The following MACROD2 variants were observed in gnomAD, a reference collection of about 807,000 sequenced individuals.
MACROD2 encodes the protein mono-ADP ribosylhydrolase 2.
Under a neutral mutation model 70.4 loss-of-function variants are expected in MACROD2, and 36 were observed. The observed-to-expected ratio is 0.51, with a 90% CI of 0.39 to 0.68. The LOEUF (loss-of-function observed/expected upper bound fraction) is 0.68, where lower values mean the gene tolerates loss of function less well. Among genes scored for constraint, MACROD2 ranks in the 30% least tolerant of loss-of-function variants. The pLI is 0.00. For missense variants in MACROD2, 496 were observed against 538.4 expected, an observed-to-expected ratio of 0.92 and a Z score of 0.78; for synonymous variants, 172 against 178.8, an observed-to-expected ratio of 0.96 and a Z score of 0.30.
intron 8 of MACROD2, among the ~76,000 whole-genome samples, chr20:15,512,790 A>G (rs1200744701): frequency 6.6e-6 from 1 of 152,150 alleles, no homozygotes; most frequent in Non-Finnish European, 1.5e-5. Context: ...TTAAGGAATT[A>G]GGAAATGAAA....
chr20:15,727,083 T>C lies in MACROD2; in HGVS notation c.646-135662T>C, dbSNP rs1032105978. Among the ~76,000 whole-genome samples the C allele has an allele frequency of 4.6e-5, 7 of 152,150 alleles. No individual in the cohort carries two copies. In the South Asian group the frequency reaches 1.2e-3, roughly 27 times the overall value. On this transcript the variant is annotated intron_variant, in intron 8 of 17. Coordinates refer to ENST00000684519, the MANE Select transcript of MACROD2 (RefSeq NM_001351661.2). ...TTAGGATTTAAGTCTTAATCCATAA[T>C]CCATATTTAAGTCTTTAATCTTGAG...
At chr20:15,892,736 T>C (rs2064908561) in intron 10 of MACROD2, among the ~76,000 whole-genome samples, 1 of 152,256 alleles carries the variant, frequency 6.6e-6, no homozygotes, top group Non-Finnish European at 1.5e-5. Context: ...AGCCTTAAGT[T>C]TAAGTCTATG....
chr20:14,436,603 G>A (rs1463411457), intron 3 of MACROD2, among the ~76,000 whole-genome samples: 1 of 152,148 alleles, frequency 6.6e-6, no homozygotes, highest in East Asian at 1.9e-4. Context: ...TATCATTTCA[G>A]TTTTTGTTTT....
intron 10 of MACROD2, among the ~76,000 whole-genome samples, chr20:15,924,438 C>T (rs1204873293): frequency 3.3e-5 from 5 of 152,202 alleles, no homozygotes; most frequent in Admixed American, 2.6e-4. Flanking sequence ...AGAACTGAAG[C>T]AGTTACTCCT....
chr20:15,190,111 T>A (rs2076560520), intron 5 of MACROD2, among the ~76,000 whole-genome samples: 1 of 152,240 alleles, frequency 6.6e-6, no homozygotes, highest in Non-Finnish European at 1.5e-5. Flanking sequence ...ATAACTATAA[T>A]GTACTCTCAG....
intron 8 of MACROD2, among the ~76,000 whole-genome samples, chr20:15,800,682 GA>G (rs1237269095): frequency 6.6e-6 from 1 of 152,148 alleles, no homozygotes; most frequent in South Asian, 2.1e-4. Context: ...CCCCGTCTGG[GA>G]GGTGTACTCA....
At chr20:15,988,586 A>T (rs2066517719) in intron 15 of MACROD2, among the ~76,000 whole-genome samples, 2 of 152,168 alleles carry the variant, frequency 1.3e-5, no homozygotes, top group Non-Finnish European at 2.9e-5. Context: ...TACTCTGATG[A>T]CTGAAGAATT....
intron 5 of MACROD2, among the ~76,000 whole-genome samples, chr20:15,068,498 G>A (rs1383005178): frequency 6.6e-6 from 1 of 152,132 alleles, no homozygotes; most frequent in African/African-American, 2.4e-5. Context: ...GGAGGTGTTT[G>A]GGTCATGGGA....
At chr20:14,395,869 G>T (rs2122818411) in intron 3 of MACROD2, among the ~76,000 whole-genome samples, 1 of 152,174 alleles carries the variant, frequency 6.6e-6, no homozygotes, top group East Asian at 1.9e-4. Context: ...GTGTAATTTA[G>T]TTTCCAAATA....
At chr20:14,566,220 G>T (rs570815276) in intron 4 of MACROD2, among the ~76,000 whole-genome samples, 5 of 151,972 alleles carry the variant, frequency 3.3e-5, no homozygotes, top group Non-Finnish European at 7.4e-5. Context: ...GCATGAACAA[G>T]CATGTTACAG....
At chr20:14,865,478 T>G (rs2073418880) in intron 5 of MACROD2, among the ~76,000 whole-genome samples, 1 of 152,080 alleles carries the variant, frequency 6.6e-6, no homozygotes, top group Non-Finnish European at 1.5e-5. Context: ...TTCTCCTGGT[T>G]GAACCCTGAT....
At chr20:16,020,167 C>T (rs965877700) in intron 15 of MACROD2, among the ~76,000 whole-genome samples, 1 of 152,158 alleles carries the variant, frequency 6.6e-6, no homozygotes, top group African/African-American at 2.4e-5. Context: ...TTCCTGTTGC[C>T]TCTCTGGCTT....
intron 5 of MACROD2, among the ~76,000 whole-genome samples, chr20:14,688,099 G>A (rs546732645): frequency 2.6e-5 from 4 of 152,090 alleles, no homozygotes; most frequent in Non-Finnish European, 5.9e-5. Flanking sequence ...AAGGGAGCTC[G>A]TTACATACTG....
chr20:15,804,038 T>A (rs2063747973), intron 8 of MACROD2, among the ~76,000 whole-genome samples: 1 of 152,244 alleles, frequency 6.6e-6, no homozygotes, highest in Admixed American at 6.5e-5. Flanking sequence ...AGTAGATGTT[T>A]GCACCTAATT....
chr20:15,493,672 G>A (rs1600491563), intron 7 of MACROD2, among the ~76,000 whole-genome samples: 1 of 152,240 alleles, frequency 6.6e-6, no homozygotes, highest in East Asian at 1.9e-4. Context: ...ATCAATAACA[G>A]TAAAAAATAA....
chr20:14,095,946 G>A (rs1000561806), intron 3 of MACROD2, among the ~76,000 whole-genome samples: 1 of 152,126 alleles, frequency 6.6e-6, no homozygotes, highest in African/African-American at 2.4e-5. Context: ...ATGTTACCTT[G>A]CTCACTGTGC....
chr20:15,447,417 G>A (rs1011676077), intron 7 of MACROD2, among the ~76,000 whole-genome samples: 8 of 152,070 alleles, frequency 5.3e-5, no homozygotes, highest in African/African-American at 1.2e-4. Context: ...CACTTCACAC[G>A]TTCTATCTCA....
chr20:14,111,194 A>G (rs1054516003), intron 3 of MACROD2, among the ~76,000 whole-genome samples: 3 of 152,004 alleles, frequency 2.0e-5, no homozygotes, highest in Non-Finnish European at 2.9e-5. Flanking sequence ...AACTAAACCT[A>G]TATCTCATCA....
intron 6 of MACROD2, 149 bp from the exon 7 acceptor site, chr20:15,431,256 C>A: frequency 1.8e-6 from 1 of 569,492 alleles, no homozygotes; most frequent in Non-Finnish European, 3.1e-6. Context: ...TCAAATATCC[C>A]CATTTCCAGT....
Sources: gnomAD v4.1 joint callset for allele counts (sites outside exome capture counted in the v4.1 genomes callset) on GRCh38, gnomAD v4.1.1 for gene constraint, MANE v1.5 for transcripts, NCBI Gene and HGNC (gene_info 2026-07-23, HGNC 2026-07-21) for gene names.